PLPPR2: variants seen among roughly 807,000 people sequenced by gnomAD.
PLPPR2 encodes phospholipid phosphatase related 2.
Under a neutral mutation model 40.3 loss-of-function variants are expected in PLPPR2, and 11 were observed. The observed-to-expected ratio is 0.27, with a 90% CI of 0.17 to 0.45. The LOEUF (loss-of-function observed/expected upper bound fraction) is 0.45. Ranked by LOEUF, PLPPR2 falls within the 20% of genes least tolerant of loss-of-function variation. The pLI is 1.00. For missense variants in PLPPR2, 497 were observed against 640.7 expected (o/e 0.78, Z 2.42); for synonymous variants, 260 against 290.8 (o/e 0.89, Z 1.08).
Position 11,361,443 on chromosome 19 carries a change from C to A in PLPPR2, c.618C>A (p.Pro206=), listed in dbSNP as rs1968041411. 6.2e-7 allele frequency: 1 copy of A among 1,604,882 alleles called. No homozygotes were observed. The highest frequency in any genetic ancestry group is 1.1e-5 in the South Asian group (1 of 90,970). ...SLVAAARRAF[P]CKDAALCAYA... is the part of the protein sequence containing the mutation. ...TGGCCGCCGCGCGCCGCGCCTTCCC[C>A]TGCAAGGATGCGGCCCTCTGCGCCT... Residue 206 remains proline, a synonymous_variant, in exon 6 of 10, where the codon CCC becomes CCA. Coordinates refer to ENST00000688289, the MANE Select transcript of PLPPR2 (RefSeq NM_001393892.1). The surrounding 1 kb of genome is among the most constrained non-coding windows in gnomAD (Gnocchi z 6.3).
Position 11,364,062 on chromosome 19 carries a change from G to T in PLPPR2, c.964-99G>T. 2.0e-6 allele frequency: 3 copies of T among 1,471,866 alleles called. No individual in the cohort carries two copies. Among genetic ancestry groups the T allele is most frequent in the Non-Finnish European group, 2.8e-6 (3 of 1,087,316 alleles). The allele number at this position is 1,471,866 out of a possible 1,614,324, so 91.2% of individuals were successfully genotyped here. A position where few individuals can be genotyped will look rare whatever the true frequency, so the allele number is the denominator to read the frequency against. The stretch of plus-strand genomic sequence containing the variant: ...ACGGTTAATCATGAGAACTGTGGTT[G>T]TCTTTTCCATGGGGCTCTTCACCTG... On this transcript the variant is annotated intron_variant, in intron 8 of 9. Coordinates refer to ENST00000688289, the MANE Select transcript of PLPPR2 (RefSeq NM_001393892.1). This position sits in a 1 kb window ranked among gnomAD's most constrained non-coding sequence, Gnocchi z 5.8.
At chr19:11,357,764 G>C (rs775623904) in intron 3 of PLPPR2, 25 bp downstream of exon 3, 6 of 1,573,502 alleles carry the variant, frequency 3.8e-6, no homozygotes, top group Middle Eastern at 1.7e-4. Context: ...ACCTCTCCCA[G>C]AGACGGCGTG....
At chr19:11,355,633 C>T (rs1967840304) in intron 1 of PLPPR2, 61 bp downstream of exon 1, 1 of 146,120 alleles carries the variant, frequency 6.8e-6, no homozygotes, top group African/African-American at 2.5e-5. Context: ...CCCCCGGTGT[C>T]GGTCTCCGGT....
chr19:11,361,591 G>T lies in PLPPR2; in HGVS notation c.663+103G>T, dbSNP rs900414615. 4 of 1,459,426 alleles carry T rather than the reference G, an allele frequency of 2.7e-6. No homozygotes were observed. In the South Asian group the frequency reaches 4.0e-5, roughly 15 times the overall value. 90.4% of individuals were successfully genotyped at this position (1,459,426 alleles called of 1,614,324 possible). On this transcript the variant is annotated intron_variant, in intron 6 of 9. Coordinates refer to ENST00000688289, the MANE Select transcript of PLPPR2 (RefSeq NM_001393892.1). The surrounding 1 kb of genome is among the most constrained non-coding windows in gnomAD (Gnocchi z 6.3). ...TGGAGCCTCTGCTCTTCCACGCCCC[G>T]GGTGCTGTTGGAAGCTCTCGCTCCA...
Position 11,364,495 on chromosome 19 carries a change from C to G in PLPPR2, c.1164C>G (p.Pro388=). 1 of 1,518,682 alleles carries G rather than the reference C, an allele frequency of 6.6e-7. No individual in the cohort carries two copies. The highest frequency in any genetic ancestry group is 1.2e-5 in the South Asian group (1 of 80,894). 94.1% of individuals were successfully genotyped at this position (1,518,682 alleles called of 1,614,324 possible). ...PLPLPLPLPA[P]TPSQGPSPSS... is the part of the protein sequence containing the mutation. ...CCCTGCCCCTACCCCTGCCAGCGCC[C>G]ACCCCCAGCCAGGGCCCCTCGCCTT... Residue 388 remains proline, a synonymous_variant, in exon 10 of 10, where the codon CCC becomes CCG. Transcript: ENST00000688289. This position sits in a 1 kb window ranked among gnomAD's most constrained non-coding sequence, Gnocchi z 5.8.
At chr19:11,358,488 G>C (rs1967954235) in intron 3 of PLPPR2, among the ~76,000 whole-genome samples, 1 of 152,026 alleles carries the variant, frequency 6.6e-6, no homozygotes, top group South Asian at 2.1e-4. Flanking sequence ...CCATGTGGGA[G>C]AGTCTCTCCA....
rs1444301850 is a variant in PLPPR2, at chr19:11,362,256, G to A, written c.664-257G>A. Among the ~76,000 whole-genome samples the A allele has an allele frequency of 6.6e-6, 1 of 152,068 alleles. No homozygotes were observed. The highest frequency in any genetic ancestry group is 1.9e-4 in the East Asian group (1 of 5,184). ...CCCCAGACCTTGTCCTCTGCTCTTG[G>A]GAGCTCTGGCCACACCTAGCCCTGC... is the stretch of plus-strand genomic sequence containing the variant. On this transcript the variant is annotated intron_variant, in intron 6 of 9. Coordinates refer to ENST00000688289, the MANE Select transcript of PLPPR2 (RefSeq NM_001393892.1). The surrounding 1 kb of genome is among the most constrained non-coding windows in gnomAD (Gnocchi z 5.3).
Position 11,359,743 on chromosome 19 carries a change from G to A in PLPPR2, c.255+23G>A, listed in dbSNP as rs74179988. 5 of 1,579,046 alleles carry A rather than the reference G, an allele frequency of 3.2e-6. No individual in the cohort carries two copies. Among genetic ancestry groups the A allele is most frequent in the Non-Finnish European group, 4.3e-6 (5 of 1,156,702 alleles). Reference sequence around the variant, plus strand: ...ACGGTGAGACAATGAAGACCTCCTAGGAGGCAGGTGGGCCGGTAAGGGTGG... The same window carrying A: ...ACGGTGAGACAATGAAGACCTCCTAAGAGGCAGGTGGGCCGGTAAGGGTGG... On this transcript the variant is annotated intron_variant, in intron 4 of 9. Transcript: ENST00000688289. The surrounding 1 kb of genome is among the most constrained non-coding windows in gnomAD (Gnocchi z 5.6).
At chr19:11,358,650 G>T in intron 3 of PLPPR2, among the ~76,000 whole-genome samples, 1 of 146,800 alleles carries the variant, frequency 6.8e-6, no homozygotes, top group African/African-American at 2.5e-5. Context: ...CTCCTTTCCT[G>T]GCTTTCCTCT....
chr19:11,362,351 C>A lies in PLPPR2; in HGVS notation c.664-162C>A. The A allele has an allele frequency of 1.4e-6, 1 of 718,928 alleles. No homozygotes were observed. The highest frequency in any genetic ancestry group is 2.2e-6 in the Non-Finnish European group (1 of 452,470). The allele number at this position is 718,928 out of a possible 1,614,324, so 44.5% of individuals were successfully genotyped here. A position where few individuals can be genotyped will look rare whatever the true frequency, so the allele number is the denominator to read the frequency against. ...CCCCTTTGCCTTTTTGGTCACGCTCCCTGGAAAAGCCCACTGGGAGCCCAT... is the reference window on the plus strand; with the variant it reads ...CCCCTTTGCCTTTTTGGTCACGCTCACTGGAAAAGCCCACTGGGAGCCCAT... On this transcript the variant is annotated intron_variant, in intron 6 of 9. Transcript: ENST00000688289. This position sits in a 1 kb window ranked among gnomAD's most constrained non-coding sequence, Gnocchi z 5.3.
At position 11,359,779 on chromosome 19, in the gene PLPPR2, G is replaced by T. The variant is rs755147494; in HGVS notation, c.256-42G>T. 6.3e-7 allele frequency: 1 copy of T among 1,586,656 alleles called. No individual in the cohort carries two copies. The highest frequency in any genetic ancestry group is 1.1e-5 in the South Asian group (1 of 88,152). ...GGCCGGTAAGGGTGGGTGAGGGGAT[G>T]GGCTGGAAGGCCAGAAGACTCCATC... On this transcript the variant is annotated intron_variant, in intron 4 of 9. Transcript: ENST00000688289. The surrounding 1 kb of genome is among the most constrained non-coding windows in gnomAD (Gnocchi z 5.6).
chr19:11,357,707 T>G lies in PLPPR2; in HGVS notation c.34T>G (p.Phe12Val), dbSNP rs1260820977. Residue 12 changes from phenylalanine (F) to valine (V), a missense_variant, in exon 3 of 10, where the codon TTC (phenylalanine) becomes GTC (valine). Transcript: ENST00000688289. ...AGGGAGACCGCATCTGAAGAGGAGT[T>G]TCTCCATCATCCCCTGCTTTGTCTT... ...AGGRPHLKRS[F>V]SIIPCFVFVE... 6 of 1,606,954 alleles carry G rather than the reference T, an allele frequency of 3.7e-6. No individual in the cohort carries two copies. The highest frequency in any genetic ancestry group is 5.1e-6 in the Non-Finnish European group (6 of 1,176,396).
Position 11,357,709 on chromosome 19 carries a change from C to A in PLPPR2, c.36C>A (p.Phe12Leu), listed in dbSNP as rs1389796514. ...AGGRPHLKRS[F>L]SIIPCFVFVE... ...GGAGACCGCATCTGAAGAGGAGTTT[C>A]TCCATCATCCCCTGCTTTGTCTTCG... is the stretch of plus-strand genomic sequence containing the variant. Residue 12 changes from phenylalanine (F) to leucine (L), a missense_variant, in exon 3 of 10, where the codon TTC becomes TTA. Transcript: ENST00000688289. 1.2e-6 allele frequency: 2 copies of A among 1,607,466 alleles called. No individual in the cohort carries two copies. Among genetic ancestry groups the A allele is most frequent in the Admixed American group, 1.7e-5 (1 of 59,242 alleles).
In PLPPR2 at chr19:11,362,785, G is replaced by A. The variant is rs1330210336; in HGVS notation, c.840+96G>A. 7.3e-7 allele frequency: 1 copy of A among 1,366,126 alleles called. No homozygotes were observed. The highest frequency in any genetic ancestry group is 9.9e-7 in the Non-Finnish European group (1 of 1,005,800). 84.6% of individuals were successfully genotyped at this position (1,366,126 alleles called of 1,614,324 possible). The stretch of plus-strand genomic sequence containing the variant: ...CATGATGGAGAAGGGTGTGGACTCT[G>A]TGTGACCTTGGGCCAATCCCTTAAC... On this transcript the variant is annotated intron_variant, in intron 7 of 9. Coordinates refer to ENST00000688289, the MANE Select transcript of PLPPR2 (RefSeq NM_001393892.1). This position sits in a 1 kb window ranked among gnomAD's most constrained non-coding sequence, Gnocchi z 5.3.
rs1358609149 is a variant in PLPPR2 at position 11,364,235 on chromosome 19, G to A, written c.1015+23G>A. 2 of 1,602,000 alleles carry A rather than the reference G, an allele frequency of 1.2e-6. No individual in the cohort carries two copies. The highest frequency in any genetic ancestry group is 2.2e-5 in the East Asian group (1 of 44,572). On this transcript the variant is annotated intron_variant, in intron 9 of 9. Transcript: ENST00000688289. The surrounding 1 kb of genome is among the most constrained non-coding windows in gnomAD (Gnocchi z 5.8). ...CCAGTGAGTGTTGGGGGAGTGGGGGGCTAAACAGGGGGACTTCCAGGTGGG... is the reference window on the plus strand; with the variant it reads ...CCAGTGAGTGTTGGGGGAGTGGGGGACTAAACAGGGGGACTTCCAGGTGGG...
Position 11,362,575 on chromosome 19 carries a change from G to A in PLPPR2, c.726G>A (p.Leu242=), listed in dbSNP as rs1395217809. 1 of 1,612,938 alleles carries A rather than the reference G, an allele frequency of 6.2e-7. No individual in the cohort carries two copies. The highest frequency in any genetic ancestry group is 1.3e-5 in the African/African-American group (1 of 74,952). ...GCCTGGTCAAACCCTCGCTCTGCCTGGCCTTGCTGTGCCCGGCCTTCCTGG... is the reference window on the plus strand; with the variant it reads ...GCCTGGTCAAACCCTCGCTCTGCCTAGCCTTGCTGTGCCCGGCCTTCCTGG... ...GSRLVKPSLC[L]ALLCPAFLVG... The change falls in exon 7 of 10, where the codon CTG becomes CTA. Residue 242 remains leucine (L), a synonymous_variant. Coordinates refer to ENST00000688289, the MANE Select transcript of PLPPR2 (RefSeq NM_001393892.1). This position sits in a 1 kb window ranked among gnomAD's most constrained non-coding sequence, Gnocchi z 5.3.
Position 11,361,619 on chromosome 19 carries a change from C to T in PLPPR2, c.663+131C>T. Reference sequence around the variant, plus strand: ...TGCTGTTGGAAGCTCTCGCTCCACGCCCCGACCTGTTGGAAGCTCTCCCTC... The same window carrying T: ...TGCTGTTGGAAGCTCTCGCTCCACGTCCCGACCTGTTGGAAGCTCTCCCTC... On this transcript the variant is annotated intron_variant, in intron 6 of 9. Transcript: ENST00000688289. The surrounding 1 kb of genome is among the most constrained non-coding windows in gnomAD (Gnocchi z 6.3). 1 of 1,278,366 alleles carries T rather than the reference C, an allele frequency of 7.8e-7. No homozygotes were observed. Among genetic ancestry groups the T allele is most frequent in the Non-Finnish European group, 1.1e-6 (1 of 950,810 alleles). 79.2% of individuals were successfully genotyped at this position (1,278,366 alleles called of 1,614,324 possible).
chr19:11,363,856 C>T lies in PLPPR2; in HGVS notation c.963+21C>T, dbSNP rs1425299141. The T allele has an allele frequency of 3.1e-6, 5 of 1,609,394 alleles. No individual in the cohort carries two copies. In the Admixed American group the frequency reaches 8.4e-5, roughly 27 times the overall value. On this transcript the variant is annotated intron_variant, in intron 8 of 9. Coordinates refer to ENST00000688289, the MANE Select transcript of PLPPR2 (RefSeq NM_001393892.1). This position sits in a 1 kb window ranked among gnomAD's most constrained non-coding sequence, Gnocchi z 4.8. ...CGCAGGTAAGGGGGGCCGGGGGCTG[C>T]TCCCGGCTGGAGAGGGTGGTGGGTG...
Position 11,363,119 on chromosome 19 carries a change from C to T in PLPPR2, c.840+430C>T, listed in dbSNP as rs1300769807. Among the ~76,000 whole-genome samples, 1 of 152,028 alleles carries T rather than the reference C, an allele frequency of 6.6e-6. No homozygotes were observed. Among genetic ancestry groups the T allele is most frequent in the Non-Finnish European group, 1.5e-5 (1 of 68,000 alleles). ...GACCAGCCTGGTCAACATGGCCAAA[C>T]CCTGTCCCTGCTAAAAATACAAAAA... is the stretch of plus-strand genomic sequence containing the variant. On this transcript the variant is annotated intron_variant, in intron 7 of 9. Coordinates refer to ENST00000688289, the MANE Select transcript of PLPPR2 (RefSeq NM_001393892.1). The surrounding 1 kb of genome is among the most constrained non-coding windows in gnomAD (Gnocchi z 4.8).
Sources: gnomAD v4.1 joint callset for allele counts (sites outside exome capture counted in the v4.1 genomes callset) on GRCh38, gnomAD v4.1.1 for gene constraint, Gnocchi (gnomAD v3.1) non-coding constraint, MANE v1.5 for transcripts, NCBI Gene and HGNC (gene_info 2026-07-23, HGNC 2026-07-21) for gene names.